The following MACF1 variants were observed in gnomAD, a reference collection of about 807,000 sequenced individuals.
MACF1 encodes microtubule actin crosslinking factor 1.
Under a neutral mutation model 854.8 loss-of-function variants are expected in MACF1, and 193 were observed. That is an observed-to-expected ratio of 0.23 (90% CI 0.20 to 0.25). The LOEUF (loss-of-function observed/expected upper bound fraction) is 0.25. Ranked by LOEUF, MACF1 falls within the 10% of genes least tolerant of loss-of-function variation. MACF1 has a pLI of 1.00. For missense variants in MACF1, 7,722 were observed against 8,929.1 expected (o/e 0.86, Z 5.45); for synonymous variants, 3,185 against 3,226.7 (o/e 0.99, Z 0.44).
In MACF1 at chr1:39,385,853, G is replaced by A; in HGVS notation, c.14268G>A (p.Glu4756=). The A allele has an allele frequency of 6.2e-7, 1 of 1,614,196 alleles. No homozygotes were observed. The highest frequency in any genetic ancestry group is 8.5e-7 in the Non-Finnish European group (1 of 1,180,032). The part of the protein sequence containing the change: ...LCDELSVLIG[E]QYLKDELKKR... ...ATGAACTCTCAGTGCTCATTGGTGAGCAGTACCTCAAGGATGAACTGAAGA... is the reference window on the plus strand; with the variant it reads ...ATGAACTCTCAGTGCTCATTGGTGAACAGTACCTCAAGGATGAACTGAAGA... The change falls in exon 57 of 101, where the codon GAG becomes GAA. Residue 4756 remains glutamate, a synonymous_variant. Coordinates refer to ENST00000564288, the MANE Select transcript of MACF1 (RefSeq NM_001394062.1).
chr1:39,268,460 G>T lies in MACF1; in HGVS notation c.528+10432G>T, dbSNP rs113319573. On this transcript the variant is annotated intron_variant, in intron 6 of 100. Coordinates refer to ENST00000564288, the MANE Select transcript of MACF1 (RefSeq NM_001394062.1). ...TAGGTCAAGTGATTTCTGAACTGCA[G>T]TGAGATGCTTTGAATTTGTCTTGTT... is the stretch of plus-strand genomic sequence containing the variant. 3.4e-3 allele frequency: 3,722 copies of T among 1,106,306 alleles called. 11 individuals are homozygous for T. The highest frequency in any genetic ancestry group is 5.2e-3 in the Admixed American group (113 of 21,546). The allele number at this position is 1,106,306 out of a possible 1,614,324, so 68.5% of individuals were successfully genotyped here.
chr1:39,393,181 T>TA lies in MACF1; in HGVS notation c.15816+4539dup, dbSNP rs1192045357. 4.1e-3 allele frequency among the ~76,000 whole-genome samples: 374 copies of TA among 90,244 alleles called. 6 individuals are homozygous for TA. The highest frequency in any genetic ancestry group is 0.02 in the South Asian group (54 of 2,728). 59.2% of individuals were successfully genotyped at this position (90,244 alleles called of 152,430 possible). A position where few individuals can be genotyped will look rare whatever the true frequency, so the allele number is the denominator to read the frequency against. On this transcript the variant is annotated intron_variant, in intron 58 of 100. Coordinates refer to ENST00000564288, the MANE Select transcript of MACF1 (RefSeq NM_001394062.1). ...CCTAGAGTGACCTTCCTGGGAAGGG[T>TA]AAAAAAAAAAAAAAAATATATATAT...
intron 33 of MACF1, 132 bp downstream of exon 33, chr1:39,323,140 A>C (rs1646543895): frequency 1.3e-6 from 1 of 777,852 alleles, no homozygotes; most frequent in African/African-American, 1.7e-5. Flanking sequence ...AGGAGTTTGA[A>C]TCCAGCATGG....
intron 2 of MACF1, among the ~76,000 whole-genome samples, chr1:39,234,388 T>A (rs537684030): frequency 3.3e-5 from 5 of 150,966 alleles, no homozygotes; most frequent in East Asian, 4.0e-4. Context: ...GCCCCTCACC[T>A]TCCGGGCGGG....
chr1:39,311,035 GAGTGA>G, intron 26 of MACF1, 35 bp downstream of exon 26: 1 of 1,592,420 alleles, frequency 6.3e-7, no homozygotes, highest in Non-Finnish European at 8.6e-7. Flanking sequence ...GCTGGTTGTG[GAGTGA>G]ATGCTTTCAG....
chr1:39,165,030 G>GATAGACTGATGATAGACTGGGGA (rs1416456828), intron 2 of MACF1, among the ~76,000 whole-genome samples: 1 of 152,220 alleles, frequency 6.6e-6, no homozygotes, highest in Non-Finnish European at 1.5e-5. Context: ...GTGAGGTTTT[G>GATAGACTGATGATAGACTGGGGA]TAGCTGATGA....
intron 49 of MACF1, among the ~76,000 whole-genome samples, chr1:39,366,869 C>T (rs1439274012): frequency 6.6e-6 from 1 of 150,718 alleles, no homozygotes; most frequent in Admixed American, 6.6e-5. Flanking sequence ...GTCTTGAACT[C>T]CTGAACTCAA....
In MACF1 at chr1:39,385,592, C is replaced by T. The variant is rs1403951957; in HGVS notation, c.14007C>T (p.Asp4669=). ...SINQKWVELT[D]KLNSRSSQID... is the part of the protein sequence containing the mutation. ...ATCAGAAATGGGTTGAGCTGACTGA[C>T]AAACTCAACTCCCGTTCCAGCCAAA... Residue 4669 remains aspartate (D), a synonymous_variant, in exon 57 of 101, where the codon GAC becomes GAT. Transcript: ENST00000564288. The T allele has an allele frequency of 6.2e-7, 1 of 1,614,010 alleles. No homozygotes were observed. The highest frequency in any genetic ancestry group is 2.2e-5 in the East Asian group (1 of 44,890).
At chr1:39,103,858 A>G (rs1642154997) in intron 2 of MACF1, 1 of 152,254 alleles carries the variant, frequency 6.6e-6, no homozygotes, top group African/African-American at 2.4e-5. Flanking sequence ...CTGATTTCTG[A>G]TCAGGGTGTG....
At chr1:39,287,902 C>G (rs1352160189) in intron 15 of MACF1, among the ~76,000 whole-genome samples, 1 of 152,176 alleles carries the variant, frequency 6.6e-6, no homozygotes, top group Admixed American at 6.5e-5. Context: ...CAGTCCCGTA[C>G]TGAATAGCAT....
chr1:39,314,146 C>T (rs554142606), intron 26 of MACF1, among the ~76,000 whole-genome samples: 3 of 152,110 alleles, frequency 2.0e-5, no homozygotes, highest in Admixed American at 6.5e-5. Flanking sequence ...TGGTGGCTCA[C>T]GCCTATAATC....
At chr1:39,220,590 C>G (rs1644639978) in intron 1 of MACF1, among the ~76,000 whole-genome samples, 1 of 147,548 alleles carries the variant, frequency 6.8e-6, no homozygotes, top group Admixed American at 6.9e-5. Context: ...TCAAGCGATT[C>G]TCCTGCGTCA....
At chr1:39,361,339 C>A (rs763357859) in intron 48 of MACF1, 21 bp from the exon 49 acceptor site, 14 of 1,605,356 alleles carry the variant, frequency 8.7e-6, no homozygotes, top group Middle Eastern at 3.3e-4. Flanking sequence ...CAGGAGCTGA[C>A]AGACGTGTTC....
chr1:39,471,087 A>T (rs1035714242), intron 97 of MACF1, among the ~76,000 whole-genome samples: 3 of 152,252 alleles, frequency 2.0e-5, no homozygotes, highest in East Asian at 3.9e-4. Context: ...TCTCTCCAGG[A>T]GTGCTCTCCT....
At chr1:39,186,379 G>T (rs569649116) in intron 2 of MACF1, among the ~76,000 whole-genome samples, 69 of 150,812 alleles carry the variant, frequency 4.6e-4, no homozygotes, top group African/African-American at 1.4e-3. Flanking sequence ...TGATTCTCCT[G>T]CCTCAGCCTC....
intron 87 of MACF1, among the ~76,000 whole-genome samples, chr1:39,453,428 A>G (rs1177545706): frequency 6.6e-6 from 1 of 152,222 alleles, no homozygotes; most frequent in Non-Finnish European, 1.5e-5. Flanking sequence ...GGGACTAAAA[A>G]AGAGAGAAAC....
intron 55 of MACF1, among the ~76,000 whole-genome samples, chr1:39,381,249 G>T (rs932359601): frequency 6.6e-6 from 1 of 151,184 alleles, no homozygotes; most frequent in Non-Finnish European, 1.5e-5. Context: ...TAGAGAGGGG[G>T]TTTCTCCATG....
intron 2 of MACF1, among the ~76,000 whole-genome samples, chr1:39,094,141 T>G (rs955818026): frequency 3.9e-5 from 6 of 152,100 alleles, no homozygotes; most frequent in Non-Finnish European, 8.8e-5. Flanking sequence ...TGCTTCTGAC[T>G]GACTGGCTAT....
intron 5 of MACF1, among the ~76,000 whole-genome samples, chr1:39,257,346 A>G (rs1195887278): frequency 1.3e-5 from 2 of 151,810 alleles, no homozygotes; most frequent in East Asian, 3.9e-4. Context: ...TCTGTCGCCC[A>G]GGCTGGAGTG....
Sources: gnomAD v4.1 joint callset for allele counts (sites outside exome capture counted in the v4.1 genomes callset) on GRCh38, gnomAD v4.1.1 for gene constraint, MANE v1.5 for transcripts, NCBI Gene and HGNC (gene_info 2026-07-23, HGNC 2026-07-21) for gene names.